The following NPTN variants were observed in gnomAD, a reference collection of about 807,000 sequenced individuals.
NPTN encodes neuroplastin.
In NPTN, 5 loss-of-function variants were observed where a neutral mutation model predicts 42.7. That is an observed-to-expected ratio of 0.12 (90% confidence interval 0.06 to 0.25). The LOEUF (loss-of-function observed/expected upper bound fraction) is 0.25. Ranked by LOEUF, NPTN falls within the 10% of genes least tolerant of loss-of-function variation. The probability of loss-of-function intolerance (pLI) is 1.00; values close to 1 mark genes in which losing one functional copy is unlikely to be tolerated. For missense variants in NPTN, 307 were observed against 525.4 expected (o/e 0.58, Z 4.06); for synonymous variants, 180 against 201.9 (o/e 0.89, Z 0.92).
At chr15:73,584,553 G>A (rs1468498630) in intron 4 of NPTN, among the ~76,000 whole-genome samples, 1 of 151,998 alleles carries the variant, frequency 6.6e-6, no homozygotes, top group Non-Finnish European at 1.5e-5. Context: ...CACAAGCTGA[G>A]GACAGAGATG....
chr15:73,594,856 T>C (rs1896758577), intron 2 of NPTN, among the ~76,000 whole-genome samples: 1 of 151,930 alleles, frequency 6.6e-6, no homozygotes, highest in Non-Finnish European at 1.5e-5. Flanking sequence ...CAGGAGGTCA[T>C]TCTTAGATAG....
At chr15:73,583,109 A>G (rs902509262) in intron 4 of NPTN, among the ~76,000 whole-genome samples, 1 of 152,240 alleles carries the variant, frequency 6.6e-6, no homozygotes, top group Non-Finnish European at 1.5e-5. Context: ...TAGACCGTCA[A>G]GAGCCACACA....
intron 4 of NPTN, among the ~76,000 whole-genome samples, chr15:73,577,192 A>C (rs1454135389): frequency 6.6e-6 from 1 of 152,204 alleles, no homozygotes; most frequent in African/African-American, 2.4e-5. Context: ...TTTCCCACAC[A>C]AGCCTTGGAA....
chr15:73,563,290 A>C (rs1254473551), intron 6 of NPTN, 33 bp from the exon 7 acceptor site: 1 of 1,612,354 alleles, frequency 6.2e-7, no homozygotes, highest in Non-Finnish European at 8.5e-7. Context: ...AAAATCCATG[A>C]GAGATAAGAG....
At chr15:73,612,282 TG>T (rs889378611) in intron 1 of NPTN, among the ~76,000 whole-genome samples, 1 of 151,942 alleles carries the variant, frequency 6.6e-6, no homozygotes, top group African/African-American at 2.4e-5. Context: ...TAGCCAGGCA[TG>T]GTGGTATGTA....
At chr15:73,631,452 C>T (rs1898738835) in intron 1 of NPTN, among the ~76,000 whole-genome samples, 1 of 152,112 alleles carries the variant, frequency 6.6e-6, no homozygotes, top group African/African-American at 2.4e-5. Context: ...TATCCAAGGC[C>T]ATGAAGCACA....
At chr15:73,604,072 C>T (rs1468073848) in intron 1 of NPTN, among the ~76,000 whole-genome samples, 2 of 152,106 alleles carry the variant, frequency 1.3e-5, no homozygotes, top group Non-Finnish European at 2.9e-5. Context: ...TTCATTCAGT[C>T]CTGTTGCCAA....
chr15:73,567,933 A>C, intron 6 of NPTN: 2 of 985,430 alleles, frequency 2.0e-6, no homozygotes, highest in Non-Finnish European at 2.4e-6. Flanking sequence ...AGGAGGTTTT[A>C]CTTTGCACTT....
chr15:73,568,474 C>T lies in NPTN; in HGVS notation c.1114+1676G>A, dbSNP rs1198640486. 4 of 985,210 alleles carry T rather than the reference C, an allele frequency of 4.1e-6. No homozygotes were observed. The African/African-American group carries it at 5.2e-5, about 13-fold the overall frequency. 61.0% of individuals were successfully genotyped at this position (985,210 alleles called of 1,614,324 possible). A position where few individuals can be genotyped will look rare whatever the true frequency, so the allele number is the denominator to read the frequency against. ...TTCAGGAATGAGGCATAACTGATCC[C>T]ACAGAGCCAAAGCTGAAAACACACG... On this transcript the variant is annotated intron_variant, in intron 6 of 8. Transcript: ENST00000345330.
chr15:73,612,346 G>A (rs902276710), intron 1 of NPTN, among the ~76,000 whole-genome samples: 2 of 151,520 alleles, frequency 1.3e-5, no homozygotes, highest in African/African-American at 4.8e-5. Flanking sequence ...CTGGACCCAG[G>A]AGGTCGAAGC....
intron 1 of NPTN, among the ~76,000 whole-genome samples, chr15:73,630,214 G>GA (rs1566995469): frequency 7.9e-5 from 12 of 152,166 alleles, no homozygotes; most frequent in Non-Finnish European, 1.5e-4. Context: ...TACAGATGAT[G>GA]AACTGATGAA....
At chr15:73,632,413 G>GCACTCCAC (rs1182149676) in intron 1 of NPTN, among the ~76,000 whole-genome samples, 3 of 151,578 alleles carry the variant, frequency 2.0e-5, no homozygotes, top group Non-Finnish European at 4.4e-5. Flanking sequence ...AGAATGCCCA[G>GCACTCCAC]CACTCCACCC....
rs115051152 is a variant in NPTN at position 73,567,234 on chromosome 15, A to G, written c.1114+2916T>C. On this transcript the variant is annotated intron_variant, in intron 6 of 8. Transcript: ENST00000345330. The stretch of plus-strand genomic sequence containing the variant: ...AAATATGACGACTGTGCATTCATAT[A>G]AAAAAAGTTCAGTGAGTCTGAAATG... The G allele has an allele frequency of 1.3e-3, 1,291 of 985,140 alleles. 16 individuals carry two copies. In the African/African-American group the frequency reaches 0.021, roughly 16 times the overall value. The allele number at this position is 985,140 out of a possible 1,614,324, so 61.0% of individuals were successfully genotyped here. A position where few individuals can be genotyped will look rare whatever the true frequency, so the allele number is the denominator to read the frequency against.
chr15:73,585,196 A>T (rs2141386529), intron 4 of NPTN, among the ~76,000 whole-genome samples: 1 of 152,324 alleles, frequency 6.6e-6, no homozygotes, highest in African/African-American at 2.4e-5. Flanking sequence ...AGTTAAAGCC[A>T]CACAGGAAGA....
At chr15:73,564,548 TGTCCACAGGA>T (rs1894869718) in intron 6 of NPTN, among the ~76,000 whole-genome samples, 1 of 152,168 alleles carries the variant, frequency 6.6e-6, no homozygotes, top group Non-Finnish European at 1.5e-5. Context: ...GACACACTAG[TGTCCACAGGA>T]GTCCACTACT....
In NPTN at chr15:73,583,272, G is replaced by A. The variant is rs116608367; in HGVS notation, c.706+4252C>T. On this transcript the variant is annotated intron_variant, in intron 4 of 8. Coordinates refer to ENST00000345330, the MANE Select transcript of NPTN (RefSeq NM_012428.4). ...ACATTTCTCCTAACTCTTAGTCAAGGCCTTTTAAATGTTACATGCTCAACA... is the reference window on the plus strand; with the variant it reads ...ACATTTCTCCTAACTCTTAGTCAAGACCTTTTAAATGTTACATGCTCAACA... Among the ~76,000 whole-genome samples the A allele has an allele frequency of 9.9e-3, 1,514 of 152,258 alleles. 26 individuals carry two copies. The highest frequency in any genetic ancestry group is 0.035 in the African/African-American group (1,439 of 41,538).
chr15:73,594,751 T>C (rs981999367), intron 2 of NPTN, among the ~76,000 whole-genome samples: 1 of 152,136 alleles, frequency 6.6e-6, no homozygotes, highest in Admixed American at 6.5e-5. Flanking sequence ...ATCATGCATA[T>C]ATAAAGAACA....
In NPTN at chr15:73,632,856, G is replaced by A. The variant is rs1443023026; in HGVS notation, c.91+269C>T. On this transcript the variant is annotated intron_variant, in intron 1 of 8. Coordinates refer to ENST00000345330, the MANE Select transcript of NPTN (RefSeq NM_012428.4). Reference sequence around the variant, plus strand: ...TCCTCCGTGTCCCCTCGCCGACCCGGCACGACGAGCCCCACGACGTGGAGC... The same window carrying A: ...TCCTCCGTGTCCCCTCGCCGACCCGACACGACGAGCCCCACGACGTGGAGC... The A allele has an allele frequency of 3.9e-5, 14 of 362,556 alleles. No individual in the cohort carries two copies. In the East Asian group the frequency reaches 5.3e-4, roughly 14 times the overall value. 22.5% of individuals were successfully genotyped at this position (362,556 alleles called of 1,614,324 possible).
chr15:73,606,555 C>T (rs888836126), intron 1 of NPTN, among the ~76,000 whole-genome samples: 21 of 152,166 alleles, frequency 1.4e-4, no homozygotes, highest in South Asian at 2.1e-4. Flanking sequence ...GTAAGTGAAA[C>T]CCTTACATAT....
Sources: allele counts gnomAD v4.1 joint callset (sites outside exome capture counted in the v4.1 genomes callset), GRCh38; gene constraint gnomAD v4.1.1; transcripts MANE v1.5; gene names NCBI Gene and HGNC (gene_info 2026-07-23, HGNC 2026-07-21).